The following CELF4 variants were observed in gnomAD, a reference collection of about 807,000 sequenced individuals.
CELF4 encodes CUG-BP- and ETR-3-like factor 4.
A neutral mutation model predicts 59.9 loss-of-function variants in CELF4; 18 were observed. The observed-to-expected ratio is 0.30, with a 90% CI of 0.21 to 0.45. The LOEUF (loss-of-function observed/expected upper bound fraction) is 0.45. CELF4 is among the 20% of genes least tolerant of loss of function. CELF4 has a pLI of 1.00. For missense variants in CELF4, 456 were observed against 689.0 expected (o/e 0.66, Z 3.79); for synonymous variants, 261 against 267.1 (o/e 0.98, Z 0.22).
At chr18:37,414,234 CTAT>C (rs1394207682) in intron 2 of CELF4, among the ~76,000 whole-genome samples, 14 of 137,632 alleles carry the variant, frequency 1.0e-4, no homozygotes, top group East Asian at 2.1e-4. Context: ...ATCTATCTAT[CTAT>C]CTATCTATCC....
intron 2 of CELF4, among the ~76,000 whole-genome samples, chr18:37,416,070 G>A (rs1053258738): frequency 6.6e-6 from 1 of 152,152 alleles, no homozygotes. Flanking sequence ...GTGGAAGAGC[G>A]AGAGGTTTGG....
chr18:37,372,845 A>AG (rs1328990960), intron 2 of CELF4, among the ~76,000 whole-genome samples: 2 of 152,066 alleles, frequency 1.3e-5, no homozygotes, highest in Admixed American at 6.6e-5. Context: ...GAAAAAAAAA[A>AG]AGAGAAGGAT....
At chr18:37,425,713 C>T (rs2099607808) in intron 2 of CELF4, among the ~76,000 whole-genome samples, 1 of 152,218 alleles carries the variant, frequency 6.6e-6, no homozygotes, top group African/African-American at 2.4e-5. Flanking sequence ...GGGCCAGGAG[C>T]CAGCTCCCCT....
intron 2 of CELF4, among the ~76,000 whole-genome samples, chr18:37,424,523 C>T (rs1490472145): frequency 6.6e-6 from 1 of 152,184 alleles, no homozygotes; most frequent in Non-Finnish European, 1.5e-5. Context: ...GGACCAAGCA[C>T]CTCTTCCCTC....
intron 1 of CELF4, among the ~76,000 whole-genome samples, chr18:37,513,903 A>G (rs1030471778): frequency 6.6e-6 from 1 of 150,604 alleles, no homozygotes; most frequent in Non-Finnish European, 1.5e-5. Flanking sequence ...TGGGTCCATG[A>G]GGCCCTAATT....
At chr18:37,329,258 C>T (rs1336571651) in intron 2 of CELF4, among the ~76,000 whole-genome samples, 1 of 152,200 alleles carries the variant, frequency 6.6e-6, no homozygotes, top group Non-Finnish European at 1.5e-5. Context: ...CAAGGGATTT[C>T]TGCCTCAGAC....
intron 1 of CELF4, among the ~76,000 whole-genome samples, chr18:37,551,879 C>T (rs977111173): frequency 1.3e-5 from 2 of 152,102 alleles, no homozygotes; most frequent in South Asian, 2.1e-4. Flanking sequence ...GCCAGGCTGG[C>T]GGCAGGTCCA....
chr18:37,290,860 T>C (rs1206670087), intron 3 of CELF4, among the ~76,000 whole-genome samples: 1 of 152,216 alleles, frequency 6.6e-6, no homozygotes, highest in Non-Finnish European at 1.5e-5. Flanking sequence ...TCCATCAGCC[T>C]TTTCAGCCTC....
At chr18:37,406,522 C>T (rs559360773) in intron 2 of CELF4, among the ~76,000 whole-genome samples, 8 of 152,212 alleles carry the variant, frequency 5.3e-5, no homozygotes, top group East Asian at 1.9e-4. Flanking sequence ...CTGAGCAGTG[C>T]GGCCAGTGAG....
intron 2 of CELF4, among the ~76,000 whole-genome samples, chr18:37,343,207 G>T (rs773226776): frequency 9.9e-5 from 15 of 152,204 alleles, no homozygotes; most frequent in Non-Finnish European, 1.8e-4. Context: ...TTGGTGAGAA[G>T]AGGTAGAAAA....
chr18:37,367,650 A>G (rs2098802144), intron 2 of CELF4, among the ~76,000 whole-genome samples: 1 of 151,780 alleles, frequency 6.6e-6, no homozygotes, highest in African/African-American at 2.4e-5. Context: ...AGAGGAAGGA[A>G]AAATGCAAAT....
intron 1 of CELF4, among the ~76,000 whole-genome samples, chr18:37,517,367 T>G (rs1453784541): frequency 6.6e-6 from 1 of 152,040 alleles, no homozygotes; most frequent in Non-Finnish European, 1.5e-5. Flanking sequence ...AAGCAGGTGT[T>G]TGGCATATGG....
intron 2 of CELF4, among the ~76,000 whole-genome samples, chr18:37,459,113 A>G (rs1325593998): frequency 3.9e-5 from 6 of 152,102 alleles, no homozygotes; most frequent in African/African-American, 1.2e-4. Context: ...ACACTTTCTG[A>G]TTCTACCTCC....
intron 2 of CELF4, among the ~76,000 whole-genome samples, chr18:37,427,257 T>A (rs1226405289): frequency 6.6e-6 from 1 of 152,128 alleles, no homozygotes; most frequent in Non-Finnish European, 1.5e-5. Flanking sequence ...CCTGAACACA[T>A]TCTTGTTCTT....
At chr18:37,276,932 C>T (rs1487598564) in intron 3 of CELF4, among the ~76,000 whole-genome samples, 1 of 152,230 alleles carries the variant, frequency 6.6e-6, no homozygotes, top group African/African-American at 2.4e-5. Context: ...CCTCTGAGCA[C>T]ATGGGCACTC....
At chr18:37,435,842 A>G (rs1056461939) in intron 2 of CELF4, among the ~76,000 whole-genome samples, 1 of 152,180 alleles carries the variant, frequency 6.6e-6, no homozygotes, top group African/African-American at 2.4e-5. Flanking sequence ...CCCCAGGCAG[A>G]GCCTGGCAAG....
chr18:37,271,839 C>A (rs1337407605), intron 7 of CELF4, among the ~76,000 whole-genome samples: 1 of 152,142 alleles, frequency 6.6e-6, no homozygotes, highest in African/African-American at 2.4e-5. Flanking sequence ...AATGACAATA[C>A]CCTGTGTCCT....
intron 8 of CELF4, among the ~76,000 whole-genome samples, chr18:37,268,798 GA>G (rs1325305753): frequency 1.3e-5 from 2 of 152,196 alleles, no homozygotes; most frequent in African/African-American, 4.8e-5. Context: ...TGAACATTTT[GA>G]AGGATCTCGC....
chr18:37,389,150 G>C (rs1046171446), intron 2 of CELF4, among the ~76,000 whole-genome samples: 1 of 152,206 alleles, frequency 6.6e-6, no homozygotes, highest in African/African-American at 2.4e-5. Flanking sequence ...CCTGAAACAT[G>C]GAGCAGGCAC....
Sources: allele counts gnomAD v4.1 joint callset (sites outside exome capture counted in the v4.1 genomes callset), GRCh38; gene constraint gnomAD v4.1.1; transcripts MANE v1.5; gene names NCBI Gene and HGNC (gene_info 2026-07-23, HGNC 2026-07-21).